Variants in PCDH9 observed in about 807,000 individuals in gnomAD.
The protein encoded by PCDH9 is protocadherin 9.
A neutral mutation model predicts 70.6 loss-of-function variants in PCDH9; 24 were observed. The observed-to-expected ratio is 0.34, with a 90% confidence interval of 0.25 to 0.48. The LOEUF (loss-of-function observed/expected upper bound fraction) is 0.48, where lower values mean the gene tolerates loss of function less well. Among genes scored for constraint, PCDH9 ranks in the 20% least tolerant of loss-of-function variants. The pLI, the probability that PCDH9 is intolerant of heterozygous loss-of-function variation, is 0.99. For synonymous variants in PCDH9, 562 were observed against 558.5 expected (o/e 1.01, Z -0.09); for missense variants, 1,281 against 1,503.6 (o/e 0.85, Z 2.45).
intron 2 of PCDH9, among the ~76,000 whole-genome samples, chr13:67,083,568 C>A (rs2086030567): frequency 6.6e-6 from 1 of 152,010 alleles, no homozygotes; most frequent in South Asian, 2.1e-4. Context: ...CAAGTATTTC[C>A]TTTTATTTTT....
chr13:66,721,956 G>A (rs931560878), intron 3 of PCDH9, among the ~76,000 whole-genome samples: 3 of 152,118 alleles, frequency 2.0e-5, no homozygotes, highest in Admixed American at 6.5e-5. Flanking sequence ...ATCATTTTCT[G>A]CAGGAATAAA....
chr13:66,949,816 A>G (rs980542030), intron 2 of PCDH9, among the ~76,000 whole-genome samples: 1 of 152,132 alleles, frequency 6.6e-6, no homozygotes, highest in African/African-American at 2.4e-5. Flanking sequence ...AGGAACTTCT[A>G]TATTTTACAA....
intron 2 of PCDH9, among the ~76,000 whole-genome samples, chr13:67,123,568 A>G (rs920617946): frequency 6.6e-6 from 1 of 152,234 alleles, no homozygotes; most frequent in Non-Finnish European, 1.5e-5. Context: ...ATGTTACGAT[A>G]ATCATCATTG....
At position 66,866,418 on chromosome 13, in the gene PCDH9, C is replaced by CT. The variant is rs1395112443; in HGVS notation, c.3138+37085dup. Among the ~76,000 whole-genome samples, 7 of 151,812 alleles carry CT rather than the reference C, an allele frequency of 4.6e-5. 1 individual carries two copies. The highest frequency in any genetic ancestry group is 4.2e-4 in the South Asian group (2 of 4,796). On this transcript the variant is annotated intron_variant, in intron 3 of 4. Coordinates refer to ENST00000377865, the MANE Select transcript of PCDH9 (RefSeq NM_203487.3). ...AATGGCGGGAACCCGGGAGGCAGAGCTTGCAGTGAGCTGAGATTGCGCCAC... is the reference window on the plus strand; with the variant it reads ...AATGGCGGGAACCCGGGAGGCAGAGCTTTGCAGTGAGCTGAGATTGCGCCAC...
chr13:66,589,065 G>A (rs557704632), intron 4 of PCDH9, among the ~76,000 whole-genome samples: 9 of 151,932 alleles, frequency 5.9e-5, no homozygotes, highest in African/African-American at 1.2e-4. Context: ...TGCTTTAGTC[G>A]TTGGTTATCT....
chr13:66,591,284 A>G (rs1325243329), intron 4 of PCDH9, among the ~76,000 whole-genome samples: 1 of 151,718 alleles, frequency 6.6e-6, no homozygotes, highest in Non-Finnish European at 1.5e-5. Flanking sequence ...CATACACTTT[A>G]TGCAGCTGTT....
chr13:67,132,156 G>C (rs971849477), intron 2 of PCDH9, among the ~76,000 whole-genome samples: 4 of 152,104 alleles, frequency 2.6e-5, no homozygotes, highest in African/African-American at 7.2e-5. Flanking sequence ...AAACTATGTG[G>C]AGTCAGAGAG....
chr13:66,350,558 C>T lies in PCDH9; in HGVS notation c.3341-45530G>A, dbSNP rs115669520. Among the ~76,000 whole-genome samples the T allele has an allele frequency of 3.8e-3, 580 of 152,256 alleles. 1 individual carries two copies. The highest frequency in any genetic ancestry group is 0.013 in the African/African-American group (548 of 41,560). ...TCTCATCTAGTCTCAGATTTTCCTT[C>T]TCTGGCTCTCGGTCAATGAAAAAGC... On this transcript the variant is annotated intron_variant, in intron 4 of 4. Coordinates refer to ENST00000377865, the MANE Select transcript of PCDH9 (RefSeq NM_203487.3).
At chr13:66,599,681 A>G (rs2077143183) in intron 4 of PCDH9, among the ~76,000 whole-genome samples, 1 of 151,664 alleles carries the variant, frequency 6.6e-6, no homozygotes, top group Non-Finnish European at 1.5e-5. Context: ...AGTACAGTGT[A>G]TCCATACTCA....
intron 4 of PCDH9, among the ~76,000 whole-genome samples, chr13:66,367,974 T>C (rs1181931265): frequency 6.6e-6 from 1 of 152,136 alleles, no homozygotes; most frequent in Non-Finnish European, 1.5e-5. Flanking sequence ...TTTTCATCTC[T>C]TTAAAGTGCA....
At chr13:66,947,510 G>A (rs1286730199) in intron 2 of PCDH9, among the ~76,000 whole-genome samples, 1 of 152,062 alleles carries the variant, frequency 6.6e-6, no homozygotes, top group South Asian at 2.1e-4. Flanking sequence ...AAAAATAAAG[G>A]TAAAGCCTGA....
At chr13:66,874,835 A>G (rs899970658) in intron 3 of PCDH9, among the ~76,000 whole-genome samples, 1 of 152,074 alleles carries the variant, frequency 6.6e-6, no homozygotes, top group African/African-American at 2.4e-5. Flanking sequence ...TTTCAGACTT[A>G]AAAGTCTATT....
chr13:66,453,318 C>G (rs1958251246), intron 4 of PCDH9, among the ~76,000 whole-genome samples: 1 of 152,284 alleles, frequency 6.6e-6, no homozygotes, highest in East Asian at 1.9e-4. Flanking sequence ...AAAATCATCT[C>G]AAATCTAACT....
rs570202395 is a variant in PCDH9, at chr13:67,220,836, G to C, written c.3036+4569C>G. 8 of 152,144 alleles carry C rather than the reference G, an allele frequency of 5.3e-5. No individual in the cohort carries two copies. The East Asian group carries it at 1.2e-3, about 22-fold the overall frequency. 9.4% of individuals were successfully genotyped at this position (152,144 alleles called of 1,614,324 possible). On this transcript the variant is annotated intron_variant, in intron 2 of 4. Coordinates refer to ENST00000377865, the MANE Select transcript of PCDH9 (RefSeq NM_203487.3). Reference sequence around the variant, plus strand: ...ATTCTGCTTAATGTTATTAGCAATGGAAGGCCAAAATGCGTCTTGAATTTT... The same window carrying C: ...ATTCTGCTTAATGTTATTAGCAATGCAAGGCCAAAATGCGTCTTGAATTTT...
At chr13:66,344,120 A>G (rs1480944319) in intron 4 of PCDH9, among the ~76,000 whole-genome samples, 4 of 152,110 alleles carry the variant, frequency 2.6e-5, no homozygotes, top group African/African-American at 7.2e-5. Context: ...TACTAATGAA[A>G]AAGAAAGTTT....
intron 3 of PCDH9, among the ~76,000 whole-genome samples, chr13:66,797,098 T>A (rs908643976): frequency 6.6e-6 from 1 of 152,014 alleles, no homozygotes; most frequent in Non-Finnish European, 1.5e-5. Context: ...AAGAAATAAT[T>A]AAGGGGATAG....
chr13:66,872,382 T>G (rs986478683), intron 3 of PCDH9, among the ~76,000 whole-genome samples: 1 of 152,148 alleles, frequency 6.6e-6, no homozygotes, highest in East Asian at 1.9e-4. Flanking sequence ...TTTTGATGGA[T>G]AAAGTTGAAA....
chr13:67,011,417 T>G (rs2139841283), intron 2 of PCDH9, among the ~76,000 whole-genome samples: 1 of 152,064 alleles, frequency 6.6e-6, no homozygotes, highest in Non-Finnish European at 1.5e-5. Context: ...AAAATAAAAC[T>G]ATTTTATTTT....
At chr13:66,309,524 G>A (rs142391299) in intron 4 of PCDH9, among the ~76,000 whole-genome samples, 194 of 151,926 alleles carry the variant, frequency 1.3e-3, no homozygotes, top group African/African-American at 4.5e-3. Context: ...ATTAAATATT[G>A]AAATTTTCCA....
Sources: allele counts gnomAD v4.1 joint callset (sites outside exome capture counted in the v4.1 genomes callset), GRCh38; gene constraint gnomAD v4.1.1; transcripts MANE v1.5; gene names NCBI Gene and HGNC (gene_info 2026-07-23, HGNC 2026-07-21).